Variants in NTN4 observed in about 807,000 individuals in gnomAD.
The protein encoded by NTN4 is netrin-4.
NTN4 carries 32 observed loss-of-function variants against 73.6 expected under a neutral mutation model. That is an observed-to-expected ratio of 0.44 (90% CI 0.33 to 0.58). The LOEUF (loss-of-function observed/expected upper bound fraction) is 0.58. NTN4 is among the 20% of genes least tolerant of loss of function. The probability of loss-of-function intolerance (pLI) is 0.04; values close to 1 mark genes in which losing one functional copy is unlikely to be tolerated. For synonymous variants in NTN4, 258 were observed against 287.5 expected (o/e 0.90, Z 1.04); for missense variants, 654 against 798.3 (o/e 0.82, Z 2.18).
In NTN4 at chr12:95,665,953, T is replaced by C; in HGVS notation, c.1607A>G (p.His536Arg). 6.2e-7 allele frequency: 1 copy of C among 1,611,140 alleles called. No homozygotes were observed. The highest frequency in any genetic ancestry group is 8.5e-7 in the Non-Finnish European group (1 of 1,178,436). ...GACCTCAACATGAGTACCTTTATCA[T>C]GAGCTGATAAAATCTTTATTTTTAG... ...YVLKIKILSAHDKGTHVEVNV... is the reference protein window; with the variant it reads ...YVLKIKILSARDKGTHVEVNV... The change falls in exon 9 of 10, where the codon CAT (histidine) becomes CGT (arginine). Residue 536 changes from histidine to arginine, a missense_variant. Transcript: ENST00000343702.
intron 2 of NTN4, among the ~76,000 whole-genome samples, chr12:95,761,023 T>C (rs1291209582): frequency 2.6e-5 from 4 of 152,226 alleles, no homozygotes; most frequent in Admixed American, 2.6e-4. Context: ...CTATATAGTT[T>C]GTTGTATTAG....
At chr12:95,743,344 TTG>T (rs2078839907) in intron 2 of NTN4, among the ~76,000 whole-genome samples, 1 of 152,224 alleles carries the variant, frequency 6.6e-6, no homozygotes, top group African/African-American at 2.4e-5. Flanking sequence ...TCTGCTTACT[TTG>T]TGTTTAATGT....
chr12:95,717,677 A>T (rs2121106394), intron 3 of NTN4, among the ~76,000 whole-genome samples: 1 of 152,130 alleles, frequency 6.6e-6, no homozygotes, highest in African/African-American at 2.4e-5. Context: ...AAAAAAAAAA[A>T]ACAGAAAAAG....
At chr12:95,659,243 G>T in intron 9 of NTN4, 21 bp from the exon 10 acceptor site, 1 of 1,593,348 alleles carries the variant, frequency 6.3e-7, no homozygotes, top group Non-Finnish European at 8.5e-7. Context: ...ACAAAATTAG[G>T]GGCTATACAG....
Position 95,790,468 on chromosome 12 carries a change from G to A in NTN4, c.-159C>T. ...GCTCGGTCAGCGGTCGCCGGCAGCT[G>A]GGAGCCAGGGGCCGGGACCGCGCGG... On this transcript the variant is annotated 5_prime_UTR_variant, in exon 1 of 10. Transcript: ENST00000343702. This position sits in a 1 kb window ranked among gnomAD's most constrained non-coding sequence, Gnocchi z 6.5. 1.8e-6 allele frequency: 1 copy of A among 570,636 alleles called. No individual in the cohort carries two copies. The highest frequency in any genetic ancestry group is 3.5e-5 in the East Asian group (1 of 28,178). The allele number at this position is 570,636 out of a possible 1,614,324, so 35.3% of individuals were successfully genotyped here.
At chr12:95,702,308 G>GAAAAAAAAAAAAAAAAAAAAAAA (rs558357623) in intron 5 of NTN4, among the ~76,000 whole-genome samples, 2 of 118,494 alleles carry the variant, frequency 1.7e-5, no homozygotes, top group Non-Finnish European at 1.8e-5. Context: ...CAAAAAAAAA[G>GAAAAAAAAAAAAAAAAAAAAAAA]AAAAAAAAAA....
Position 95,781,800 on chromosome 12 carries a change from T to G in NTN4, c.585+5139A>C, listed in dbSNP as rs985041405. Among the ~76,000 whole-genome samples, 1 of 152,116 alleles carries G rather than the reference T, an allele frequency of 6.6e-6. No individual in the cohort carries two copies. Among genetic ancestry groups the G allele is most frequent in the African/African-American group, 2.4e-5 (1 of 41,420 alleles). On this transcript the variant is annotated intron_variant, in intron 2 of 9. Transcript: ENST00000343702. The surrounding 1 kb of genome is among the most constrained non-coding windows in gnomAD (Gnocchi z 4.1). Reference sequence around the variant, plus strand: ...CCAGCATTCCCCATCCCCTCCCCTGTTTTGTTTTCTCTCCTTAGTATTTAC... The same window carrying G: ...CCAGCATTCCCCATCCCCTCCCCTGGTTTGTTTTCTCTCCTTAGTATTTAC...
At chr12:95,783,283 T>C (rs1248254455) in intron 2 of NTN4, among the ~76,000 whole-genome samples, 1 of 152,232 alleles carries the variant, frequency 6.6e-6, no homozygotes, top group Non-Finnish European at 1.5e-5. Flanking sequence ...GCCAAGTAAG[T>C]GCAGGAATGT....
intron 3 of NTN4, 59 bp downstream of exon 3, chr12:95,737,807 C>T: frequency 6.5e-7 from 1 of 1,544,158 alleles, no homozygotes; most frequent in Non-Finnish European, 8.8e-7. Flanking sequence ...CCAACCAATG[C>T]CCAAAGCTGA....
intron 5 of NTN4, among the ~76,000 whole-genome samples, chr12:95,688,886 A>G (rs563397749): frequency 1.7e-4 from 25 of 151,292 alleles, no homozygotes; most frequent in African/African-American, 5.4e-4. Context: ...CAACACCATC[A>G]ATCAGGAGGT....
intron 3 of NTN4, among the ~76,000 whole-genome samples, chr12:95,734,791 G>A (rs2078762950): frequency 6.6e-6 from 1 of 152,186 alleles, no homozygotes; most frequent in Non-Finnish European, 1.5e-5. Context: ...TGTAATCCCA[G>A]CACTTTGGGA....
At chr12:95,713,101 C>T in intron 4 of NTN4, 111 bp downstream of exon 4, 1 of 1,309,278 alleles carries the variant, frequency 7.6e-7, no homozygotes, top group Non-Finnish European at 1.1e-6. Flanking sequence ...TGTGTAGGGT[C>T]TAGTGTTTGT....
chr12:95,673,255 C>A, intron 7 of NTN4: 1 of 377,628 alleles, frequency 2.6e-6, no homozygotes, highest in Non-Finnish European at 5.1e-6. Flanking sequence ...TCCCTTCATT[C>A]ATTCTAGTCA....
chr12:95,701,324 G>A (rs2078483468), intron 5 of NTN4, among the ~76,000 whole-genome samples: 1 of 152,144 alleles, frequency 6.6e-6, no homozygotes, highest in African/African-American at 2.4e-5. Context: ...GAGTCACTTT[G>A]AGCCTCCATT....
chr12:95,719,347 G>A (rs927704607), intron 3 of NTN4, among the ~76,000 whole-genome samples: 2 of 152,092 alleles, frequency 1.3e-5, no homozygotes, highest in African/African-American at 4.8e-5. Flanking sequence ...TACAAACAGT[G>A]CTTATTCTAT....
intron 2 of NTN4, among the ~76,000 whole-genome samples, chr12:95,750,042 G>A (rs569480487): frequency 4.5e-4 from 68 of 151,902 alleles, no homozygotes; most frequent in Non-Finnish European, 7.4e-4. Context: ...CACTCTTAGC[G>A]GCAAGTCCTG....
At chr12:95,699,470 G>A (rs900250041) in intron 5 of NTN4, among the ~76,000 whole-genome samples, 2 of 152,134 alleles carry the variant, frequency 1.3e-5, no homozygotes, top group African/African-American at 4.8e-5. Context: ...AGAGATCAGT[G>A]CAAACGGAAA....
At chr12:95,671,696 A>T (rs866270361) in intron 7 of NTN4, among the ~76,000 whole-genome samples, 8 of 152,172 alleles carry the variant, frequency 5.3e-5, no homozygotes, top group African/African-American at 1.7e-4. Flanking sequence ...TGGGGACCAC[A>T]GATATATAGC....
chr12:95,774,102 A>G (rs968059927), intron 2 of NTN4, among the ~76,000 whole-genome samples: 1 of 152,132 alleles, frequency 6.6e-6, no homozygotes, highest in Admixed American at 6.5e-5. Flanking sequence ...ACCATATTAC[A>G]AATTATCAGT....
Sources: gnomAD v4.1 joint callset for allele counts (sites outside exome capture counted in the v4.1 genomes callset) on GRCh38, gnomAD v4.1.1 for gene constraint, Gnocchi (gnomAD v3.1) non-coding constraint, MANE v1.5 for transcripts, NCBI Gene and HGNC (gene_info 2026-07-23, HGNC 2026-07-21) for gene names.